The following TDRD7 variants were observed in gnomAD, a reference collection of about 807,000 sequenced individuals.
The protein encoded by TDRD7 is tudor domain-containing protein 7.
Under a neutral mutation model 109.8 loss-of-function variants are expected in TDRD7, and 47 were observed. The observed-to-expected ratio is 0.43, with a 90% CI of 0.34 to 0.55. The LOEUF is 0.55. Among genes scored for constraint, TDRD7 ranks in the 20% least tolerant of loss-of-function variants. The pLI, the probability that TDRD7 is intolerant of heterozygous loss-of-function variation, is 0.03. For synonymous variants in TDRD7, 424 were observed against 457.3 expected (o/e 0.93, Z 0.93); for missense variants, 1,164 against 1,319.2 (o/e 0.88, Z 1.82).
chr9:97,487,112 C>T, intron 15 of TDRD7, 60 bp from the exon 16 acceptor site: 2 of 1,554,086 alleles, frequency 1.3e-6, no homozygotes, highest in Middle Eastern at 3.4e-4. Flanking sequence ...ATTTCTTGCC[C>T]TTAAAGCAGG....
intron 16 of TDRD7, among the ~76,000 whole-genome samples, chr9:97,495,116 TC>T (rs1829375058): frequency 6.6e-6 from 1 of 152,170 alleles, no homozygotes; most frequent in Non-Finnish European, 1.5e-5. Flanking sequence ...ATAGGTGAGA[TC>T]AGCTGATTTG....
intron 16 of TDRD7, among the ~76,000 whole-genome samples, chr9:97,492,562 T>C (rs1394592160): frequency 1.3e-5 from 2 of 152,258 alleles, no homozygotes; most frequent in African/African-American, 2.4e-5. Flanking sequence ...TCTATGTGAC[T>C]GAACTAATAT....
chr9:97,437,832 G>A (rs748083111), intron 4 of TDRD7, among the ~76,000 whole-genome samples: 11 of 152,128 alleles, frequency 7.2e-5, no homozygotes, highest in Non-Finnish European at 1.3e-4. Flanking sequence ...TCTTTTAAGA[G>A]ACAATATATT....
intron 2 of TDRD7, among the ~76,000 whole-genome samples, chr9:97,429,933 T>C (rs1042185410): frequency 1.4e-4 from 21 of 152,222 alleles, no homozygotes; most frequent in African/African-American, 5.1e-4. Context: ...TTTAAATGTT[T>C]CCAGGTTTTG....
chr9:97,450,202 A>G (rs1298914782), intron 6 of TDRD7, among the ~76,000 whole-genome samples: 2 of 152,196 alleles, frequency 1.3e-5, no homozygotes, highest in Non-Finnish European at 2.9e-5. Context: ...TGAAGTTACA[A>G]GTCATGCTAG....
chr9:97,412,111 C>G lies in TDRD7; in HGVS notation c.-134C>G, dbSNP rs1827722792. On this transcript the variant is annotated 5_prime_UTR_variant, in exon 1 of 17. Transcript: ENST00000355295. This position sits in a 1 kb window ranked among gnomAD's most constrained non-coding sequence, Gnocchi z 4.3. ...GCGGGGGCTTGAGGTGATTCCCAAG[C>G]CGCGGGGCGGCTCCGGTGGTGCGGG... 6.5e-6 allele frequency: 1 copy of G among 152,840 alleles called. No homozygotes were observed. Among genetic ancestry groups the G allele is most frequent in the Non-Finnish European group, 1.5e-5 (1 of 68,320 alleles). 9.5% of individuals were successfully genotyped at this position (152,840 alleles called of 1,614,324 possible).
chr9:97,493,985 A>G (rs1829348861), intron 16 of TDRD7, among the ~76,000 whole-genome samples: 1 of 152,260 alleles, frequency 6.6e-6, no homozygotes, highest in South Asian at 2.1e-4. Context: ...TGCTCTACAA[A>G]CAATTTGTGC....
chr9:97,433,264 C>G (rs1473388624), intron 4 of TDRD7, among the ~76,000 whole-genome samples: 1 of 151,506 alleles, frequency 6.6e-6, no homozygotes, highest in Non-Finnish European at 1.5e-5. Flanking sequence ...TTTTATATTA[C>G]AGAATTTTTA....
Position 97,445,908 on chromosome 9 carries a change from T to C in TDRD7, c.855+4033T>C, listed in dbSNP as rs1397542865. Among the ~76,000 whole-genome samples the C allele has an allele frequency of 5.9e-5, 9 of 152,264 alleles. No homozygotes were observed. In the East Asian group the frequency reaches 1.2e-3, roughly 20 times the overall value. ...TAGGAGGTCAAGGCAGGAGAATTGC[T>C]TGAGGTGAGGAATTTGAGACCAGCC... On this transcript the variant is annotated intron_variant, in intron 6 of 16. Transcript: ENST00000355295.
chr9:97,432,205 T>C lies in TDRD7; in HGVS notation c.530T>C (p.Val177Ala). ...AATGAAGCATTCAAAGACATTCCAGTGCAAAGGCATGTGACCATGTCCACC... is the reference window on the plus strand; with the variant it reads ...AATGAAGCATTCAAAGACATTCCAGCGCAAAGGCATGTGACCATGTCCACC... ...LGNEAFKDIP[V>A]QRHVTMSTNN... Residue 177 changes from valine (V) to alanine (A), a missense_variant, in exon 4 of 17, where the codon GTG becomes GCG. Val to Ala is a moderately conservative substitution (Grantham distance 64). Coordinates refer to ENST00000355295, the MANE Select transcript of TDRD7 (RefSeq NM_014290.3). 1 of 1,613,778 alleles carries C rather than the reference T, an allele frequency of 6.2e-7. No individual in the cohort carries two copies. Among genetic ancestry groups the C allele is most frequent in the Non-Finnish European group, 8.5e-7 (1 of 1,179,738 alleles).
At chr9:97,459,273 G>A (rs959643498) in intron 6 of TDRD7, among the ~76,000 whole-genome samples, 5 of 152,166 alleles carry the variant, frequency 3.3e-5, no homozygotes, top group Non-Finnish European at 5.9e-5. Context: ...AAATGAGCAT[G>A]ACTGTGTTCC....
Position 97,464,839 on chromosome 9 carries a change from C to G in TDRD7, c.1443-3C>G. The G allele has an allele frequency of 6.2e-7, 1 of 1,614,062 alleles. No individual in the cohort carries two copies. The highest frequency in any genetic ancestry group is 8.5e-7 in the Non-Finnish European group (1 of 1,179,964). ...TTGCATTCTCTTCTTTTAACTGATT[C>G]AGGTATGTGGGCAAAGACTATTCTG... is the stretch of plus-strand genomic sequence containing the variant. On this transcript the variant is annotated splice_region_variant and splice_polypyrimidine_tract_variant and intron_variant, in intron 7 of 16. Transcript: ENST00000355295.
At chr9:97,428,411 C>T (rs968828056) in intron 1 of TDRD7, 49 bp from the exon 2 acceptor site, 6 of 1,563,982 alleles carry the variant, frequency 3.8e-6, no homozygotes, top group Admixed American at 1.7e-5. Flanking sequence ...TATTTGAATT[C>T]ACAAACGAAT....
At chr9:97,482,708 A>G in intron 14 of TDRD7, 141 bp from the exon 15 acceptor site, 2 of 848,772 alleles carry the variant, frequency 2.4e-6, no homozygotes, top group East Asian at 2.6e-5. Flanking sequence ...AGCTGTGATA[A>G]TTTATTTTTC....
intron 15 of TDRD7, among the ~76,000 whole-genome samples, chr9:97,485,125 A>G (rs1359812136): frequency 6.6e-6 from 1 of 152,250 alleles, no homozygotes; most frequent in African/African-American, 2.4e-5. Flanking sequence ...ACTATTTACT[A>G]AACTTTGTTC....
intron 1 of TDRD7, among the ~76,000 whole-genome samples, chr9:97,422,488 T>A (rs10982047): frequency 6.6e-6 from 1 of 152,104 alleles, no homozygotes; most frequent in African/African-American, 2.4e-5. Context: ...GATAATATTA[T>A]ACTATTTTGA....
chr9:97,495,647 C>T lies in TDRD7; in HGVS notation c.3077-16C>T. On this transcript the variant is annotated splice_polypyrimidine_tract_variant and intron_variant, in intron 16 of 16. Transcript: ENST00000355295. ...TGACTCCTCACTGCTCCCTCTTCTTCCTCTCTTCCTCCTAGGAGTGAAGTG... is the reference window on the plus strand; with the variant it reads ...TGACTCCTCACTGCTCCCTCTTCTTTCTCTCTTCCTCCTAGGAGTGAAGTG... 1.2e-6 allele frequency: 2 copies of T among 1,611,654 alleles called. No homozygotes were observed. The highest frequency in any genetic ancestry group is 1.7e-6 in the Non-Finnish European group (2 of 1,177,944).
chr9:97,431,054 C>T lies in TDRD7; in HGVS notation c.329C>T (p.Thr110Ile), dbSNP rs772959333. The T allele has an allele frequency of 6.8e-6, 11 of 1,613,656 alleles. No individual in the cohort carries two copies. In the African/African-American group the frequency reaches 1.5e-4, roughly 22 times the overall value. The change falls in exon 3 of 17, where the codon ACC (threonine) becomes ATC (isoleucine). Residue 110 changes from threonine (T) to isoleucine (I), a missense_variant. Coordinates refer to ENST00000355295, the MANE Select transcript of TDRD7 (RefSeq NM_014290.3). ...AATTGTCAGATGAGAGTGAAGAAAA[C>T]CATGCCATTTTTTCTAGAAGGTAGG... is the stretch of plus-strand genomic sequence containing the variant. Reference protein sequence around the residue: ...QVNCQMRVKKTMPFFLEGKPK... With the variant: ...QVNCQMRVKKIMPFFLEGKPK...
intron 16 of TDRD7, among the ~76,000 whole-genome samples, chr9:97,493,580 CATCTT>C (rs1199666123): frequency 6.6e-6 from 1 of 152,182 alleles, no homozygotes; most frequent in Non-Finnish European, 1.5e-5. Flanking sequence ...TCATTGATAA[CATCTT>C]ATCAGGAGAC....
Sources: gnomAD v4.1 joint callset for allele counts (sites outside exome capture counted in the v4.1 genomes callset) on GRCh38, gnomAD v4.1.1 for gene constraint, Gnocchi (gnomAD v3.1) non-coding constraint, MANE v1.5 for transcripts, NCBI Gene and HGNC (gene_info 2026-07-23, HGNC 2026-07-21) for gene names.